Variants in ZNF131 observed in about 807,000 individuals in gnomAD.
ZNF131 encodes the protein zinc finger and BTB domain containing 35.
ZNF131 carries 7 observed loss-of-function variants against 60.0 expected under a neutral mutation model. The ratio of observed to expected loss-of-function variants is 0.12; its 90% CI spans 0.07 to 0.22. The LOEUF (loss-of-function observed/expected upper bound fraction) is 0.22, where lower values mean the gene tolerates loss of function less well. Ranked by LOEUF, ZNF131 falls within the 10% of genes least tolerant of loss-of-function variation. The probability of loss-of-function intolerance (pLI) is 1.00; values close to 1 mark genes in which losing one functional copy is unlikely to be tolerated. For synonymous variants in ZNF131, 257 were observed against 253.2 expected, an observed-to-expected ratio of 1.01 and a Z score of -0.14; for missense variants, 493 against 740.9, an observed-to-expected ratio of 0.67 and a Z score of 3.88.
intron 4 of ZNF131, among the ~76,000 whole-genome samples, chr5:43,149,096 A>G (rs1046664435): frequency 2.6e-5 from 4 of 152,308 alleles, no homozygotes; most frequent in African/African-American, 9.6e-5. Context: ...CCTGGCCAAC[A>G]TGGCGAAACC....
intron 4 of ZNF131, among the ~76,000 whole-genome samples, chr5:43,157,212 G>T (rs1475036619): frequency 1.3e-5 from 2 of 152,158 alleles, no homozygotes; most frequent in Non-Finnish European, 2.9e-5. Flanking sequence ...TGAATCAGAG[G>T]TGGACATGAT....
At chr5:43,135,699 C>T (rs28548198) in intron 3 of ZNF131, among the ~76,000 whole-genome samples, 14,791 of 152,006 alleles carry the variant, frequency 0.097, 858 homozygotes, top group East Asian at 0.19. Flanking sequence ...CGAGCCTGGG[C>T]GACAGAGCGA....
intron 3 of ZNF131, among the ~76,000 whole-genome samples, chr5:43,125,204 T>C (rs1315077845): frequency 2.0e-5 from 3 of 152,122 alleles, no homozygotes; most frequent in Non-Finnish European, 2.9e-5. Context: ...TTACAAAGAC[T>C]ATTACTGTGA....
chr5:43,168,459 G>A (rs936928647), intron 5 of ZNF131, among the ~76,000 whole-genome samples: 1 of 152,198 alleles, frequency 6.6e-6, no homozygotes, highest in African/African-American at 2.4e-5. Flanking sequence ...AGGAGATGTG[G>A]CCAAAGGGGT....
intron 3 of ZNF131, among the ~76,000 whole-genome samples, chr5:43,126,208 A>G (rs1043611561): frequency 1.3e-5 from 2 of 152,140 alleles, no homozygotes; most frequent in Admixed American, 6.6e-5. Context: ...ATTTTGGAGT[A>G]TGTCATGGAC....
rs531957787 is a variant in ZNF131 at position 43,141,863 on chromosome 5, T to A, written c.371+2554T>A. 8.0e-4 allele frequency among the ~76,000 whole-genome samples: 122 copies of A among 152,116 alleles called. 1 individual carries two copies. The highest frequency in any genetic ancestry group is 2.7e-3 in the African/African-American group (114 of 41,500). ...ATGTTGAATTGTTTCTTGAACCAGA[T>A]AGGCATGTAATATGTTCTGAAGAGT... On this transcript the variant is annotated intron_variant, in intron 4 of 6. Transcript: ENST00000682664.
At chr5:43,148,208 CA>C (rs571626095) in intron 4 of ZNF131, among the ~76,000 whole-genome samples, 292 of 119,886 alleles carry the variant, frequency 2.4e-3, no homozygotes, top group Admixed American at 2.7e-3. Context: ...CCTATCTCTA[CA>C]AAAAAAAAAA....
chr5:43,147,897 A>G (rs1747816698), intron 4 of ZNF131, among the ~76,000 whole-genome samples: 2 of 151,682 alleles, frequency 1.3e-5, no homozygotes, highest in Admixed American at 1.3e-4. Flanking sequence ...TACTAAAAAT[A>G]CAAAAAAATA....
At chr5:43,162,858 T>G (rs1749879770) in intron 5 of ZNF131, among the ~76,000 whole-genome samples, 1 of 118,646 alleles carries the variant, frequency 8.4e-6, no homozygotes, top group Non-Finnish European at 1.6e-5. Context: ...TGAGCCAAGA[T>G]CACGCCATTG....
intron 5 of ZNF131, among the ~76,000 whole-genome samples, chr5:43,170,979 C>G (rs1165591670): frequency 2.0e-5 from 3 of 151,270 alleles, no homozygotes; most frequent in Non-Finnish European, 4.4e-5. Flanking sequence ...GAGTCTCGCT[C>G]TGTCGCCCAG....
At chr5:43,146,055 TG>T (rs1295220377) in intron 4 of ZNF131, among the ~76,000 whole-genome samples, 4 of 152,206 alleles carry the variant, frequency 2.6e-5, no homozygotes, top group African/African-American at 9.7e-5. Context: ...AAGGGCTTTA[TG>T]GGGCCTTAGG....
chr5:43,154,324 G>T (rs1476672719), intron 4 of ZNF131, among the ~76,000 whole-genome samples: 1 of 152,062 alleles, frequency 6.6e-6, no homozygotes, highest in Non-Finnish European at 1.5e-5. Context: ...TGAGGCAGGG[G>T]AATTACTTGA....
At position 43,128,999 on chromosome 5, in the gene ZNF131, T is replaced by A. The variant is rs371509220; in HGVS notation, c.226+5689T>A. ...CAGGTTGGGGTGCAGTGTGGTGTGA[T>A]CTTGGCTTACTGCAGTCTCCGCCTC... On this transcript the variant is annotated intron_variant, in intron 3 of 6. Coordinates refer to ENST00000682664, the MANE Select transcript of ZNF131 (RefSeq NM_001330707.2). 2.6e-5 allele frequency among the ~76,000 whole-genome samples: 4 copies of A among 152,174 alleles called. No homozygotes were observed. The East Asian group carries it at 5.8e-4, about 22-fold the overall frequency.
In ZNF131 at chr5:43,161,844, A is replaced by T; in HGVS notation, c.967A>T (p.Thr323Ser). The T allele has an allele frequency of 6.2e-7, 1 of 1,614,150 alleles. No homozygotes were observed. Among genetic ancestry groups the T allele is most frequent in the Non-Finnish European group, 8.5e-7 (1 of 1,180,032 alleles). The change falls in exon 5 of 7, where the codon ACT becomes TCT. Residue 323 changes from threonine to serine, a missense_variant. Transcript: ENST00000682664. Reference protein sequence around the residue: ...EEGGVSKKQRTGKKIHVCQYC... With the variant: ...EEGGVSKKQRSGKKIHVCQYC... ...AGGTGGAGTCAGTAAGAAGCAAAGA[A>T]CTGGGAAAAAAATTCATGTATGTCA...
chr5:43,163,530 G>A (rs1750006949), intron 5 of ZNF131, among the ~76,000 whole-genome samples: 1 of 152,168 alleles, frequency 6.6e-6, no homozygotes, highest in Admixed American at 6.6e-5. Flanking sequence ...TCGTCTCCCT[G>A]TCAAGAGTCC....
chr5:43,157,115 GTCTCAAAGACATC>G (rs1749058719), intron 4 of ZNF131, among the ~76,000 whole-genome samples: 1 of 152,120 alleles, frequency 6.6e-6, no homozygotes, highest in African/African-American at 2.4e-5. Flanking sequence ...ATAGGAGTTT[GTCTCAAAGACATC>G]TCTCAAAGAG....
intron 4 of ZNF131, among the ~76,000 whole-genome samples, chr5:43,147,698 G>A (rs1285371547): frequency 1.3e-5 from 2 of 150,848 alleles, no homozygotes; most frequent in Non-Finnish European, 3.0e-5. Context: ...TGGGATTACA[G>A]GCGTGAGCCA....
chr5:43,147,906 T>C (rs1414394932), intron 4 of ZNF131, among the ~76,000 whole-genome samples: 1 of 150,822 alleles, frequency 6.6e-6, no homozygotes, highest in Non-Finnish European at 1.5e-5. Flanking sequence ...TACAAAAAAA[T>C]ATCTGGGTGT....
chr5:43,175,533 T>C lies in ZNF131; in HGVS notation c.*400T>C. On this transcript the variant is annotated 3_prime_UTR_variant, in exon 7 of 7. Coordinates refer to ENST00000682664, the MANE Select transcript of ZNF131 (RefSeq NM_001330707.2). ...TAGAATACAAGTTTATGTATTCTAATGCATGTTAGAAAATTGAATAATATA... is the reference window on the plus strand; with the variant it reads ...TAGAATACAAGTTTATGTATTCTAACGCATGTTAGAAAATTGAATAATATA... 1.5e-6 allele frequency: 1 copy of C among 684,272 alleles called. No individual in the cohort carries two copies. Among genetic ancestry groups the C allele is most frequent in the Non-Finnish European group, 2.6e-6 (1 of 379,906 alleles). The allele number at this position is 684,272 out of a possible 1,614,324, so 42.4% of individuals were successfully genotyped here.
Sources: gnomAD v4.1 joint callset for allele counts (sites outside exome capture counted in the v4.1 genomes callset) on GRCh38, gnomAD v4.1.1 for gene constraint, MANE v1.5 for transcripts, NCBI Gene and HGNC (gene_info 2026-07-23, HGNC 2026-07-21) for gene names.